ELP4: variants seen among roughly 807,000 people sequenced by gnomAD.
ELP4 encodes elongator acetyltransferase complex subunit 4, also known as elongator complex protein 4.
A neutral mutation model predicts 48.9 loss-of-function variants in ELP4; 51 were observed. The ratio of observed to expected loss-of-function variants is 1.04; its 90% CI spans 0.83 to 1.32. The LOEUF (loss-of-function observed/expected upper bound fraction) is 1.32. Ranked by LOEUF, ELP4 falls within the 40% of genes most tolerant of loss-of-function variation. The pLI, the probability that ELP4 is intolerant of heterozygous loss-of-function variation, is 0.00. For missense variants in ELP4, 519 were observed against 514.6 expected (o/e 1.01, Z -0.08); for synonymous variants, 210 against 189.2 (o/e 1.11, Z -0.90).
At chr11:31,675,422 G>A (rs373953953) in intron 9 of ELP4, among the ~76,000 whole-genome samples, 4 of 151,938 alleles carry the variant, frequency 2.6e-5, no homozygotes, top group Admixed American at 6.6e-5. Flanking sequence ...GTACCACCAC[G>A]CCTGGCTAAT....
At chr11:31,663,381 A>G (rs1029718933) in intron 9 of ELP4, 3 of 152,052 alleles carry the variant, frequency 2.0e-5, no homozygotes, top group African/African-American at 7.2e-5. Flanking sequence ...TACACAGATG[A>G]CTTCAGATTA....
intron 3 of ELP4, among the ~76,000 whole-genome samples, chr11:31,577,788 C>T (rs944347596): frequency 5.9e-5 from 9 of 152,066 alleles, no homozygotes; most frequent in African/African-American, 1.7e-4. Flanking sequence ...ATTGATGGGA[C>T]GTATCTCAAA....
chr11:31,552,534 T>A (rs945650794), intron 3 of ELP4, among the ~76,000 whole-genome samples: 2 of 152,188 alleles, frequency 1.3e-5, no homozygotes, highest in Non-Finnish European at 2.9e-5. Context: ...TCTCAGTTAA[T>A]ATCAACTCAC....
chr11:31,558,353 A>C (rs1485322206), intron 3 of ELP4, among the ~76,000 whole-genome samples: 2 of 152,130 alleles, frequency 1.3e-5, no homozygotes, highest in Non-Finnish European at 2.9e-5. Flanking sequence ...GATAAGATAA[A>C]AATTAAAATG....
intron 7 of ELP4, among the ~76,000 whole-genome samples, chr11:31,639,499 G>C (rs1056667379): frequency 4.6e-5 from 7 of 151,686 alleles, no homozygotes; most frequent in Admixed American, 4.0e-4. Flanking sequence ...CTGATACCCG[G>C]TTAATTTTTA....
intron 9 of ELP4, among the ~76,000 whole-genome samples, chr11:31,694,644 G>A (rs1444323764): frequency 2.0e-5 from 3 of 152,156 alleles, no homozygotes; most frequent in East Asian, 3.9e-4. Flanking sequence ...TTGGCAATGC[G>A]GGCTCTTTTT....
chr11:31,609,590 G>A (rs1474554893), intron 5 of ELP4, among the ~76,000 whole-genome samples: 1 of 152,060 alleles, frequency 6.6e-6, no homozygotes, highest in Non-Finnish European at 1.5e-5. Context: ...CCTGCGATGA[G>A]ACAAGTAGTC....
At chr11:31,700,944 T>C (rs971485393) in intron 9 of ELP4, among the ~76,000 whole-genome samples, 1 of 152,120 alleles carries the variant, frequency 6.6e-6, no homozygotes, top group African/African-American at 2.4e-5. Flanking sequence ...CTCTCCTCCG[T>C]GGTTTTCATC....
At chr11:31,762,218 A>G (rs1194520141) in intron 9 of ELP4, 2 of 152,198 alleles carry the variant, frequency 1.3e-5, no homozygotes, top group Admixed American at 6.5e-5. Context: ...AACTTGACCT[A>G]TGCACAAATT....
Position 31,755,969 on chromosome 11 carries a change from T to C in ELP4, c.1144-27424T>C, listed in dbSNP as rs1421458947. 6.6e-5 allele frequency among the ~76,000 whole-genome samples: 10 copies of C among 152,198 alleles called. 1 individual carries two copies. Among genetic ancestry groups the C allele is most frequent in the Admixed American group, 6.5e-4 (10 of 15,284 alleles). ...GATATCAGCAACACCACAACAACTTTTTGGTAGATCCTCTGAATTTTCCTA... is the reference window on the plus strand; with the variant it reads ...GATATCAGCAACACCACAACAACTTCTTGGTAGATCCTCTGAATTTTCCTA... On this transcript the variant is annotated intron_variant, in intron 9 of 9. Transcript: ENST00000640961.
chr11:31,513,098 T>C (rs1956039919), intron 1 of ELP4, among the ~76,000 whole-genome samples: 1 of 152,116 alleles, frequency 6.6e-6, no homozygotes, highest in African/African-American at 2.4e-5. Context: ...TCCTTTATTA[T>C]GTTAATGTGT....
chr11:31,702,232 G>A (rs889591696), intron 9 of ELP4, among the ~76,000 whole-genome samples: 3 of 152,050 alleles, frequency 2.0e-5, no homozygotes, highest in African/African-American at 7.2e-5. Flanking sequence ...GAACCCAGGA[G>A]TTCAAAGCTG....
chr11:31,687,322 A>G (rs1946181791), intron 9 of ELP4, among the ~76,000 whole-genome samples: 2 of 152,202 alleles, frequency 1.3e-5, no homozygotes, highest in Admixed American at 1.3e-4. Context: ...ATCAGAAAAC[A>G]TGTTTAGATT....
chr11:31,722,289 G>C (rs1468488632), intron 9 of ELP4, among the ~76,000 whole-genome samples: 1 of 152,118 alleles, frequency 6.6e-6, no homozygotes, highest in Non-Finnish European at 1.5e-5. Flanking sequence ...ATTAAGACTT[G>C]AGAATTCAGG....
chr11:31,776,300 C>T (rs1948246648), intron 9 of ELP4, among the ~76,000 whole-genome samples: 1 of 151,974 alleles, frequency 6.6e-6, no homozygotes, highest in Non-Finnish European at 1.5e-5. Context: ...GATCTAATAG[C>T]AATTTTAAGG....
chr11:31,710,034 C>T (rs1946707590), intron 9 of ELP4, among the ~76,000 whole-genome samples: 2 of 152,246 alleles, frequency 1.3e-5, no homozygotes, highest in Middle Eastern at 3.4e-3. Flanking sequence ...AGTTTCTTAT[C>T]TGTCTTCCCC....
chr11:31,577,434 A>G (rs539027162), intron 3 of ELP4, among the ~76,000 whole-genome samples: 1 of 152,234 alleles, frequency 6.6e-6, no homozygotes, highest in Admixed American at 6.5e-5. Flanking sequence ...AACTCATTTT[A>G]TGAGGCCAGC....
At chr11:31,649,230 T>A (rs2099750587) in intron 8 of ELP4, 1 of 151,626 alleles carries the variant, frequency 6.6e-6, no homozygotes. Context: ...AGAGAAGCAG[T>A]TCTGTAAGTA....
intron 5 of ELP4, among the ~76,000 whole-genome samples, chr11:31,612,537 A>G (rs1225489926): frequency 6.6e-6 from 1 of 152,184 alleles, no homozygotes; most frequent in Non-Finnish European, 1.5e-5. Context: ...TAAACGATTA[A>G]AAACAGTGAA....
Sources: gnomAD v4.1 joint callset for allele counts (sites outside exome capture counted in the v4.1 genomes callset) on GRCh38, gnomAD v4.1.1 for gene constraint, MANE v1.5 for transcripts, NCBI Gene and HGNC (gene_info 2026-07-23, HGNC 2026-07-21) for gene names.